MYO9A: variants seen among roughly 807,000 people sequenced by gnomAD.
MYO9A encodes myosin IXA.
Under a neutral mutation model 293.3 loss-of-function variants are expected in MYO9A, and 103 were observed. That is an observed-to-expected ratio of 0.35 (90% CI 0.30 to 0.41). MYO9A has a LOEUF of 0.41. Ranked by LOEUF, MYO9A falls within the 10% of genes least tolerant of loss-of-function variation. MYO9A has a pLI of 1.00. For missense variants in MYO9A, 2,685 were observed against 3,033.0 expected (o/e 0.89, Z 2.69); for synonymous variants, 1,001 against 1,035.7 (o/e 0.97, Z 0.64).
intron 1 of MYO9A, among the ~76,000 whole-genome samples, chr15:72,106,366 C>T (rs2080569071): frequency 1.3e-5 from 2 of 152,138 alleles, no homozygotes; most frequent in South Asian, 2.1e-4. Flanking sequence ...GTGGCACGCA[C>T]CTATAGTATT....
chr15:72,006,271 G>A (rs1647675809), intron 8 of MYO9A, among the ~76,000 whole-genome samples: 1 of 151,678 alleles, frequency 6.6e-6, no homozygotes, highest in Non-Finnish European at 1.5e-5. Context: ...TGTTGTTGTT[G>A]TTGTTTTTAG....
At chr15:71,976,809 G>A (rs2076157640) in intron 12 of MYO9A, among the ~76,000 whole-genome samples, 1 of 152,218 alleles carries the variant, frequency 6.6e-6, no homozygotes, top group Non-Finnish European at 1.5e-5. Flanking sequence ...GAGTAGGTCA[G>A]AGTGACACTA....
rs771245381 is a variant in MYO9A, at chr15:71,994,605, C to T, written c.1471-20G>A. 12 of 1,440,842 alleles carry T rather than the reference C, an allele frequency of 8.3e-6. No individual in the cohort carries two copies. The highest frequency in any genetic ancestry group is 9.6e-6 in the Non-Finnish European group (10 of 1,044,374). The allele number at this position is 1,440,842 out of a possible 1,614,324, so 89.3% of individuals were successfully genotyped here. On this transcript the variant is annotated intron_variant, in intron 9 of 41. Transcript: ENST00000356056. The stretch of plus-strand genomic sequence containing the variant: ...CACAGCCTGAAAAACAAAAGCATTA[C>T]AAGTGCATGTAGAATTGACAATGAT...
Position 71,823,649 on chromosome 15 carries a change from CT to C in MYO9A, c.*2930del, listed in dbSNP as rs1478269010. On this transcript the variant is annotated 3_prime_UTR_variant, in exon 42 of 42. Coordinates refer to ENST00000356056, the MANE Select transcript of MYO9A (RefSeq NM_006901.4). ...TGATACAGAATGAAATCACACTTCTCTGCTTTTGTTACATTTTCCATAATAA... is the reference window on the plus strand; with the variant it reads ...TGATACAGAATGAAATCACACTTCTCGCTTTTGTTACATTTTCCATAATAA... 1 of 152,240 alleles carries C rather than the reference CT, an allele frequency of 6.6e-6. No individual in the cohort carries two copies. Among genetic ancestry groups the C allele is most frequent in the Non-Finnish European group, 1.5e-5 (1 of 68,040 alleles). The allele number at this position is 152,240 out of a possible 1,614,324, so 9.4% of individuals were successfully genotyped here.
chr15:71,856,029 G>A (rs1414904255), intron 34 of MYO9A, among the ~76,000 whole-genome samples: 1 of 152,164 alleles, frequency 6.6e-6, no homozygotes, highest in Non-Finnish European at 1.5e-5. Flanking sequence ...AGTAGTGTTA[G>A]GCCCGGCACA....
intron 1 of MYO9A, among the ~76,000 whole-genome samples, chr15:72,080,211 A>G (rs1043680963): frequency 2.6e-5 from 4 of 152,118 alleles, no homozygotes; most frequent in African/African-American, 9.7e-5. Flanking sequence ...AACAGTATCC[A>G]TTATATCAGA....
chr15:72,085,798 T>C (rs1027818404), intron 1 of MYO9A, among the ~76,000 whole-genome samples: 1 of 152,116 alleles, frequency 6.6e-6, no homozygotes, highest in African/African-American at 2.4e-5. Context: ...GAAATGGTTT[T>C]TTGTTTTTTT....
intron 15 of MYO9A, among the ~76,000 whole-genome samples, chr15:71,948,411 TTATA>T (rs781223443): frequency 2.0e-5 from 3 of 152,196 alleles, no homozygotes; most frequent in Non-Finnish European, 4.4e-5. Flanking sequence ...TATGAATGGC[TTATA>T]TAGTTTTTAA....
chr15:71,973,221 G>T (rs143613336), intron 12 of MYO9A, among the ~76,000 whole-genome samples: 2 of 152,130 alleles, frequency 1.3e-5, no homozygotes, highest in African/African-American at 4.8e-5. Flanking sequence ...AGGGCAAAAC[G>T]AAGTAACTGC....
At chr15:72,040,605 C>T (rs1365864133) in intron 2 of MYO9A, among the ~76,000 whole-genome samples, 1 of 152,278 alleles carries the variant, frequency 6.6e-6, no homozygotes, top group African/African-American at 2.4e-5. Context: ...CAGTATTTTC[C>T]GTTTTTTTGA....
intron 13 of MYO9A, among the ~76,000 whole-genome samples, chr15:71,963,095 G>A (rs979359857): frequency 3.9e-5 from 6 of 151,986 alleles, no homozygotes; most frequent in Non-Finnish European, 8.8e-5. Flanking sequence ...TGGTTTGTTT[G>A]TTTTTTGAGA....
intron 1 of MYO9A, among the ~76,000 whole-genome samples, chr15:72,096,153 A>T (rs2150726923): frequency 7.1e-6 from 1 of 140,080 alleles, no homozygotes; most frequent in Non-Finnish European, 1.5e-5. Flanking sequence ...ACAGAGCGAG[A>T]CTGTCTCAAA....
chr15:71,854,104 A>G (rs2055768182), intron 35 of MYO9A, among the ~76,000 whole-genome samples: 1 of 152,180 alleles, frequency 6.6e-6, no homozygotes, highest in Admixed American at 6.5e-5. Flanking sequence ...TCTCTTTGTC[A>G]ATCAGAGGTA....
In MYO9A at chr15:71,824,006, A is replaced by G. The variant is rs2140340337; in HGVS notation, c.*2574T>C. On this transcript the variant is annotated 3_prime_UTR_variant, in exon 42 of 42. Transcript: ENST00000356056. ...CAGCGTTTGGTTCTGAAGGTTTTTA[A>G]GAGTTATGGCTTCATCTCTTGATCA... 6.6e-6 allele frequency: 1 copy of G among 152,346 alleles called. No individual in the cohort carries two copies. Among genetic ancestry groups the G allele is most frequent in the East Asian group, 1.9e-4 (1 of 5,182 alleles). The allele number at this position is 152,346 out of a possible 1,614,324, so 9.4% of individuals were successfully genotyped here. A position where few individuals can be genotyped will look rare whatever the true frequency, so the allele number is the denominator to read the frequency against.
chr15:71,941,594 G>C (rs2058776507), intron 15 of MYO9A, among the ~76,000 whole-genome samples: 1 of 152,068 alleles, frequency 6.6e-6, no homozygotes, highest in Non-Finnish European at 1.5e-5. Flanking sequence ...AGAAATTGTA[G>C]CAGAAAAAAT....
chr15:72,085,371 G>A (rs1455932065), intron 1 of MYO9A, among the ~76,000 whole-genome samples: 2 of 149,380 alleles, frequency 1.3e-5, no homozygotes, highest in Non-Finnish European at 3.0e-5. Flanking sequence ...CCAGCCTGGC[G>A]ACAGAGTGAG....
intron 18 of MYO9A, among the ~76,000 whole-genome samples, chr15:71,921,612 T>C (rs2058157420): frequency 6.6e-6 from 1 of 152,224 alleles, no homozygotes. Flanking sequence ...TAGGGATATA[T>C]CTTATCTAGC....
chr15:71,854,354 T>C, intron 35 of MYO9A, 23 bp downstream of exon 35: 1 of 1,389,428 alleles, frequency 7.2e-7, no homozygotes, highest in Non-Finnish European at 9.4e-7. Context: ...TATTTCATTA[T>C]GATTTAGAGG....
At chr15:72,029,286 C>T (rs2077787033) in intron 3 of MYO9A, among the ~76,000 whole-genome samples, 1 of 152,166 alleles carries the variant, frequency 6.6e-6, no homozygotes, top group African/African-American at 2.4e-5. Context: ...TACAGAGGTA[C>T]ATTCTGAGAA....
Sources: allele counts gnomAD v4.1 joint callset (sites outside exome capture counted in the v4.1 genomes callset), GRCh38; gene constraint gnomAD v4.1.1; transcripts MANE v1.5; gene names NCBI Gene and HGNC (gene_info 2026-07-23, HGNC 2026-07-21).